GRIA1: variants seen among roughly 807,000 people sequenced by gnomAD.
The protein encoded by GRIA1 is glutamate receptor 1.
A neutral mutation model predicts 99.2 loss-of-function variants in GRIA1; 31 were observed. That is an observed-to-expected ratio of 0.31 (90% CI 0.23 to 0.42). The LOEUF (loss-of-function observed/expected upper bound fraction) is 0.42, where lower values mean the gene tolerates loss of function less well. Among genes scored for constraint, GRIA1 ranks in the 10% least tolerant of loss-of-function variants. The pLI, the probability that GRIA1 is intolerant of heterozygous loss-of-function variation, is 1.00. For missense variants in GRIA1, 782 were observed against 1,157.5 expected, an observed-to-expected ratio of 0.68 and a Z score of 4.71; for synonymous variants, 438 against 432.4, an observed-to-expected ratio of 1.01 and a Z score of -0.16.
At chr5:153,564,762 A>G (rs1275862733) in intron 2 of GRIA1, among the ~76,000 whole-genome samples, 1 of 152,152 alleles carries the variant, frequency 6.6e-6, no homozygotes. Flanking sequence ...GAGAGAGAGT[A>G]AAGAATTCCA....
intron 13 of GRIA1, among the ~76,000 whole-genome samples, chr5:153,776,520 AATG>A (rs2149628878): frequency 6.6e-6 from 1 of 152,322 alleles, no homozygotes; most frequent in East Asian, 1.9e-4. Flanking sequence ...CACCAGCAAG[AATG>A]ATGAAGGCCG....
At chr5:153,692,955 G>C (rs1389188706) in intron 8 of GRIA1, among the ~76,000 whole-genome samples, 4 of 152,104 alleles carry the variant, frequency 2.6e-5, no homozygotes, top group Non-Finnish European at 4.4e-5. Context: ...CTCAGATAAA[G>C]TTACACATAA....
intron 12 of GRIA1, among the ~76,000 whole-genome samples, chr5:153,765,078 G>GA (rs374393108): frequency 1.7e-3 from 257 of 148,872 alleles, no homozygotes; most frequent in African/African-American, 4.7e-3. Flanking sequence ...TAGTATATGG[G>GA]AAAAAAAAAA....
At chr5:153,491,309 A>G in intron 1 of GRIA1, 1 of 1,206,882 alleles carries the variant, frequency 8.3e-7, no homozygotes, top group Non-Finnish European at 1.0e-6. Flanking sequence ...TGCTTGGTAG[A>G]TGGTGCTTGA....
chr5:153,630,070 C>G (rs1279930274), intron 2 of GRIA1, among the ~76,000 whole-genome samples: 1 of 150,074 alleles, frequency 6.7e-6, no homozygotes, highest in Non-Finnish European at 1.5e-5. Flanking sequence ...TTCTGTGACC[C>G]CTGCCTACCT....
chr5:153,544,402 C>A (rs1205710648), intron 2 of GRIA1, among the ~76,000 whole-genome samples: 1 of 152,200 alleles, frequency 6.6e-6, no homozygotes, highest in Non-Finnish European at 1.5e-5. Context: ...GTCATCTGTG[C>A]TCATGGCATC....
chr5:153,761,125 T>C (rs1157863060), intron 11 of GRIA1, among the ~76,000 whole-genome samples: 2 of 152,060 alleles, frequency 1.3e-5, no homozygotes, highest in Non-Finnish European at 2.9e-5. Flanking sequence ...GCAAGGATTT[T>C]TTAAACAGAA....
At chr5:153,733,734 C>T (rs1761195239) in intron 11 of GRIA1, among the ~76,000 whole-genome samples, 1 of 152,020 alleles carries the variant, frequency 6.6e-6, no homozygotes, top group East Asian at 1.9e-4. Context: ...AAAAAATACA[C>T]TTTAAGTCAT....
chr5:153,771,772 C>T (rs1010516375), intron 13 of GRIA1, among the ~76,000 whole-genome samples: 1 of 152,044 alleles, frequency 6.6e-6, no homozygotes, highest in Non-Finnish European at 1.5e-5. Context: ...GAACTAAAAG[C>T]GTAAGCTTAT....
chr5:153,507,386 T>C (rs1755635420), intron 2 of GRIA1, among the ~76,000 whole-genome samples: 1 of 152,096 alleles, frequency 6.6e-6, no homozygotes, highest in Non-Finnish European at 1.5e-5. Flanking sequence ...CTCTCACTCC[T>C]TCTGCTCCTT....
chr5:153,543,305 G>T (rs963210921), intron 2 of GRIA1, among the ~76,000 whole-genome samples: 12 of 152,128 alleles, frequency 7.9e-5, no homozygotes, highest in African/African-American at 2.9e-4. Context: ...AAATGAGGAT[G>T]ATAAGAATCA....
chr5:153,593,033 A>G (rs1267433080), intron 2 of GRIA1, among the ~76,000 whole-genome samples: 2 of 152,184 alleles, frequency 1.3e-5, no homozygotes, highest in Non-Finnish European at 2.9e-5. Context: ...TGGGAGGCCG[A>G]GGTGGGTGGA....
intron 10 of GRIA1, among the ~76,000 whole-genome samples, chr5:153,703,004 G>T (rs1331546889): frequency 1.3e-5 from 2 of 152,192 alleles, no homozygotes. Flanking sequence ...TCTGAGATCC[G>T]CTGTGCCCTC....
chr5:153,592,361 C>A (rs1282603900), intron 2 of GRIA1, among the ~76,000 whole-genome samples: 1 of 151,494 alleles, frequency 6.6e-6, no homozygotes, highest in Non-Finnish European at 1.5e-5. Flanking sequence ...TTAGCAGAGT[C>A]CAGGTTTGGG....
At chr5:153,544,954 C>G (rs1018210616) in intron 2 of GRIA1, among the ~76,000 whole-genome samples, 1 of 152,186 alleles carries the variant, frequency 6.6e-6, no homozygotes. Context: ...TAGGAACTGC[C>G]TCTGCAACTT....
intron 2 of GRIA1, among the ~76,000 whole-genome samples, chr5:153,612,165 G>A (rs1286364756): frequency 6.6e-6 from 1 of 152,202 alleles, no homozygotes; most frequent in African/African-American, 2.4e-5. Flanking sequence ...GCACCTAGGT[G>A]GGAATGAATA....
intron 2 of GRIA1, among the ~76,000 whole-genome samples, chr5:153,561,094 GC>G (rs1761085059): frequency 6.6e-6 from 1 of 152,136 alleles, no homozygotes; most frequent in Non-Finnish European, 1.5e-5. Flanking sequence ...ATTCTCAGTG[GC>G]CTTGTTTTAT....
intron 2 of GRIA1, among the ~76,000 whole-genome samples, chr5:153,521,913 TATTA>T (rs753729772): frequency 4.1e-4 from 63 of 152,244 alleles, no homozygotes; most frequent in Admixed American, 1.1e-3. Context: ...TTTAAATATT[TATTA>T]ATTTGATTTT....
intron 13 of GRIA1, among the ~76,000 whole-genome samples, chr5:153,787,732 G>A (rs1399070501): frequency 6.6e-6 from 1 of 152,110 alleles, no homozygotes; most frequent in African/African-American, 2.4e-5. Context: ...TCAAGTTTAT[G>A]TCTTCAACTT....
Sources: allele counts gnomAD v4.1 joint callset (sites outside exome capture counted in the v4.1 genomes callset), GRCh38; gene constraint gnomAD v4.1.1; transcripts MANE v1.5; gene names NCBI Gene and HGNC (gene_info 2026-07-23, HGNC 2026-07-21).